SNX13: variants seen among roughly 807,000 people sequenced by gnomAD.
SNX13 encodes sorting nexin-13.
A neutral mutation model predicts 133.6 loss-of-function variants in SNX13; 45 were observed. That is an observed-to-expected ratio of 0.34 (90% CI 0.27 to 0.43). The LOEUF (loss-of-function observed/expected upper bound fraction) is 0.43, where lower values mean the gene tolerates loss of function less well. Ranked by LOEUF, SNX13 falls within the 20% of genes least tolerant of loss-of-function variation. The pLI is 1.00. For missense variants in SNX13, 1,032 were observed against 1,145.1 expected, an observed-to-expected ratio of 0.90 and a Z score of 1.43; for synonymous variants, 414 against 373.9, an observed-to-expected ratio of 1.11 and a Z score of -1.24.
Position 17,791,557 on chromosome 7 carries a change from T to C in SNX13, c.*2488A>G, listed in dbSNP as rs1460764038. Reference sequence around the variant, plus strand: ...ATAAACTATGATGGTTTCTAAATAGTGTACATGTTACCTGAAAAATCAGAA... The same window carrying C: ...ATAAACTATGATGGTTTCTAAATAGCGTACATGTTACCTGAAAAATCAGAA... On this transcript the variant is annotated 3_prime_UTR_variant, in exon 26 of 26. Transcript: ENST00000428135. 6.6e-6 allele frequency: 1 copy of C among 152,046 alleles called. No homozygotes were observed. The highest frequency in any genetic ancestry group is 1.5e-5 in the Non-Finnish European group (1 of 67,930). 9.4% of individuals were successfully genotyped at this position (152,046 alleles called of 1,614,324 possible).
chr7:17,867,295 C>G (rs1465705458), intron 9 of SNX13, among the ~76,000 whole-genome samples: 1 of 152,098 alleles, frequency 6.6e-6, no homozygotes, highest in Non-Finnish European at 1.5e-5. Context: ...GAAGGGTAAA[C>G]CTTTGCAACA....
At chr7:17,901,213 CT>C (rs1220837910) in intron 1 of SNX13, among the ~76,000 whole-genome samples, 1 of 152,106 alleles carries the variant, frequency 6.6e-6, no homozygotes, top group Non-Finnish European at 1.5e-5. Flanking sequence ...ATCCTCTTCA[CT>C]TTTCCCTCTC....
rs373875199 is a variant in SNX13 at position 17,855,867 on chromosome 7, A to G, written c.838-4903T>C. ...TAGGAAATGCATTTTTTGTAAGGCTATGGATATTTGCTCTAGATAGTGATT... is the reference window on the plus strand; with the variant it reads ...TAGGAAATGCATTTTTTGTAAGGCTGTGGATATTTGCTCTAGATAGTGATT... On this transcript the variant is annotated intron_variant, in intron 9 of 25. Coordinates refer to ENST00000428135, the MANE Select transcript of SNX13 (RefSeq NM_015132.5). Among the ~76,000 whole-genome samples, 45 of 152,344 alleles carry G rather than the reference A, an allele frequency of 3.0e-4. No individual in the cohort carries two copies. In the South Asian group the frequency reaches 5.6e-3, roughly 19 times the overall value.
At chr7:17,818,792 A>G (rs1786958643) in intron 18 of SNX13, among the ~76,000 whole-genome samples, 1 of 152,224 alleles carries the variant, frequency 6.6e-6, no homozygotes, top group African/African-American at 2.4e-5. Context: ...TTAGATTCCT[A>G]ATACACTCCT....
chr7:17,818,405 A>G (rs1425211044), intron 18 of SNX13, among the ~76,000 whole-genome samples: 1 of 152,222 alleles, frequency 6.6e-6, no homozygotes, highest in Non-Finnish European at 1.5e-5. Flanking sequence ...TGAATTACCA[A>G]AATAAACTCC....
Position 17,892,014 on chromosome 7 carries a change from C to A in SNX13, c.229-379G>T, listed in dbSNP as rs915153273. Among the ~76,000 whole-genome samples the A allele has an allele frequency of 1.3e-4, 20 of 152,070 alleles. No individual in the cohort carries two copies. In the East Asian group the frequency reaches 3.9e-3, roughly 29 times the overall value. ...CCCTTTCCCAGCCCAAAACAGTATA[C>A]CAGCTGCAAAATAATTAATTTTTAA... On this transcript the variant is annotated intron_variant, in intron 3 of 25. Transcript: ENST00000428135.
chr7:17,827,235 TAGCAAATCACTG>T (rs900602489), intron 16 of SNX13, among the ~76,000 whole-genome samples: 1 of 152,054 alleles, frequency 6.6e-6, no homozygotes, highest in African/African-American at 2.4e-5. Flanking sequence ...TGAGTTTTCT[TAGCAAATCACTG>T]AGCCTGGGAG....
intron 5 of SNX13, among the ~76,000 whole-genome samples, chr7:17,879,028 C>T (rs1436776755): frequency 6.6e-6 from 1 of 152,056 alleles, no homozygotes; most frequent in Non-Finnish European, 1.5e-5. Flanking sequence ...CTTCACTGAC[C>T]CCCACCCTCT....
chr7:17,898,599 A>G (rs760822883), intron 1 of SNX13, among the ~76,000 whole-genome samples: 44 of 152,214 alleles, frequency 2.9e-4, no homozygotes, highest in Non-Finnish European at 1.5e-4. Context: ...ACATACCTTC[A>G]TAAGTTTACA....
chr7:17,801,490 G>T, intron 22 of SNX13, 98 bp downstream of exon 22: 1 of 828,262 alleles, frequency 1.2e-6, no homozygotes, highest in Non-Finnish European at 1.9e-6. Context: ...CTTATAATAT[G>T]TGCACATTAA....
At chr7:17,840,524 A>C (rs990767584) in intron 12 of SNX13, among the ~76,000 whole-genome samples, 2 of 152,050 alleles carry the variant, frequency 1.3e-5, no homozygotes, top group African/African-American at 4.8e-5. Context: ...AAAACGATAC[A>C]AACAGGTTAT....
At chr7:17,802,630 G>C (rs1784758364) in intron 21 of SNX13, among the ~76,000 whole-genome samples, 1 of 151,926 alleles carries the variant, frequency 6.6e-6, no homozygotes, top group African/African-American at 2.4e-5. Context: ...ATAAAAATGA[G>C]GCATCAGAGA....
intron 20 of SNX13, among the ~76,000 whole-genome samples, chr7:17,813,152 G>A (rs1786250211): frequency 6.6e-6 from 1 of 151,918 alleles, no homozygotes; most frequent in African/African-American, 2.4e-5. Flanking sequence ...TATAACTGTT[G>A]GGACATACAC....
intron 17 of SNX13, among the ~76,000 whole-genome samples, chr7:17,823,121 A>G (rs535601050): frequency 1.6e-4 from 25 of 152,324 alleles, no homozygotes; most frequent in African/African-American, 5.8e-4. Context: ...TATCAAAATC[A>G]AGATCCAGTC....
chr7:17,897,030 T>A (rs1018924337), intron 2 of SNX13, among the ~76,000 whole-genome samples: 9 of 152,076 alleles, frequency 5.9e-5, no homozygotes, highest in African/African-American at 2.2e-4. Flanking sequence ...ATTTCAACTT[T>A]AAAGGAGAAA....
intron 17 of SNX13, among the ~76,000 whole-genome samples, chr7:17,824,643 G>A (rs908531037): frequency 1.3e-5 from 2 of 151,726 alleles, no homozygotes; most frequent in African/African-American, 2.4e-5. Context: ...CTTAATTTTG[G>A]ATGGCTTACC....
chr7:17,830,489 C>A (rs1788367280), intron 15 of SNX13: 1 of 983,874 alleles, frequency 1.0e-6, no homozygotes, highest in Non-Finnish European at 1.2e-6. Flanking sequence ...GAGGGATAAA[C>A]AGACTTATTT....
intron 1 of SNX13, among the ~76,000 whole-genome samples, chr7:17,935,386 C>T (rs1421686105): frequency 3.3e-5 from 5 of 152,182 alleles, no homozygotes; most frequent in Non-Finnish European, 7.3e-5. Context: ...TGGGGATATA[C>T]TGCTCAGAGT....
intron 19 of SNX13, among the ~76,000 whole-genome samples, chr7:17,815,190 G>C (rs1786521192): frequency 6.6e-6 from 1 of 152,024 alleles, no homozygotes; most frequent in African/African-American, 2.4e-5. Flanking sequence ...TGTGAAAGTT[G>C]TCTGAACATA....
Sources: gnomAD v4.1 joint callset for allele counts (sites outside exome capture counted in the v4.1 genomes callset) on GRCh38, gnomAD v4.1.1 for gene constraint, MANE v1.5 for transcripts, NCBI Gene and HGNC (gene_info 2026-07-23, HGNC 2026-07-21) for gene names.